GTF2A1: variants seen among roughly 807,000 people sequenced by gnomAD.
GTF2A1 encodes general transcription factor IIA subunit 1.
GTF2A1 carries 12 observed loss-of-function variants against 54.1 expected under a neutral mutation model. That is an observed-to-expected ratio of 0.22 (90% CI 0.14 to 0.36). The LOEUF is 0.36. GTF2A1 is among the 10% of genes least tolerant of loss of function. The pLI is 1.00. For missense variants in GTF2A1, 335 were observed against 442.2 expected (o/e 0.76, Z 2.17); for synonymous variants, 145 against 152.0 (o/e 0.95, Z 0.34).
At chr14:81,183,420 C>A (rs1420781034) in intron 8 of GTF2A1, among the ~76,000 whole-genome samples, 3 of 152,230 alleles carry the variant, frequency 2.0e-5, no homozygotes, top group East Asian at 3.8e-4. Context: ...AAACTGCCTG[C>A]ATTCTGTCAT....
At chr14:81,207,442 T>C (rs1200496355) in intron 2 of GTF2A1, among the ~76,000 whole-genome samples, 1 of 152,214 alleles carries the variant, frequency 6.6e-6, no homozygotes, top group Non-Finnish European at 1.5e-5. Context: ...CATGTGGAAC[T>C]GTAAGTCCAA....
At chr14:81,180,789 A>G (rs1892623595) in intron 8 of GTF2A1, among the ~76,000 whole-genome samples, 1 of 152,152 alleles carries the variant, frequency 6.6e-6, no homozygotes, top group Admixed American at 6.6e-5. Flanking sequence ...TTATCTCTCT[A>G]CCAGGTTTGC....
Position 81,203,968 on chromosome 14 carries a change from G to C in GTF2A1, c.269C>G (p.Ala90Gly). The part of the protein sequence containing the change: ...QHHHHHHHQQ[A>G]QPQQTVPQQA... The stretch of plus-strand genomic sequence containing the variant: ...CTGAGGTACTGTCTGCTGAGGCTGA[G>C]CTTGCTGATGATGGTGATGGTGGTG... Residue 90 changes from alanine (A) to glycine (G), a missense_variant, in exon 3 of 9, where the codon GCT becomes GGT. Ala to Gly is a moderately conservative substitution (Grantham distance 60). Around this residue, in one of 2 missense-constraint regions of GTF2A1, gnomAD observed 306 missense variants for 360.4 expected, o/e 0.85. Transcript: ENST00000553612. The C allele has an allele frequency of 6.2e-7, 1 of 1,614,052 alleles. No individual in the cohort carries two copies.
intron 7 of GTF2A1, among the ~76,000 whole-genome samples, chr14:81,185,935 C>T (rs1892734551): frequency 6.6e-6 from 1 of 152,242 alleles, no homozygotes; most frequent in Non-Finnish European, 1.5e-5. Context: ...TCACTGCAAC[C>T]TCTGCCTCCC....
Position 81,196,022 on chromosome 14 carries a change from T to C in GTF2A1, c.612+86A>G, listed in dbSNP as rs78108257. The stretch of plus-strand genomic sequence containing the variant: ...TGTAGCACTGAAAAAGAGTCTTTTG[T>C]GCATATAAGGAGAGGGAAACTACCC... On this transcript the variant is annotated intron_variant, in intron 6 of 8. Transcript: ENST00000553612. The C allele has an allele frequency of 1.4e-5, 17 of 1,188,582 alleles. No individual in the cohort carries two copies. The African/African-American group carries it at 2.3e-4, about 16-fold the overall frequency. The allele number at this position is 1,188,582 out of a possible 1,614,324, so 73.6% of individuals were successfully genotyped here. A position where few individuals can be genotyped will look rare whatever the true frequency, so the allele number is the denominator to read the frequency against.
chr14:81,180,579 G>A (rs561126674), intron 8 of GTF2A1, among the ~76,000 whole-genome samples: 4 of 152,072 alleles, frequency 2.6e-5, no homozygotes, highest in South Asian at 2.1e-4. Flanking sequence ...GATTACAAGC[G>A]TGAGTCACAG....
intron 2 of GTF2A1, 106 bp downstream of exon 2, chr14:81,216,307 C>A: frequency 1.6e-6 from 1 of 615,740 alleles, no homozygotes; most frequent in East Asian, 2.9e-5. Context: ...GCACACTTCA[C>A]TCAACTATAC....
At chr14:81,208,114 A>G (rs543044992) in intron 2 of GTF2A1, among the ~76,000 whole-genome samples, 2 of 152,206 alleles carry the variant, frequency 1.3e-5, no homozygotes, top group Non-Finnish European at 2.9e-5. Context: ...TCTCCAGGCC[A>G]TATCAGAGAC....
chr14:81,209,445 GT>G, intron 2 of GTF2A1, among the ~76,000 whole-genome samples: 1 of 152,250 alleles, frequency 6.6e-6, no homozygotes. Context: ...TCAGCAGTAT[GT>G]ATACGTCTTT....
Position 81,220,753 on chromosome 14 carries a change from G to C in GTF2A1, c.-235C>G. ...GAATCGCCTTAAAAAAAAAAAAAAA[G>C]CCACGACCCTTCAGGGGTCCGGGGG... On this transcript the variant is annotated 5_prime_UTR_variant, in exon 1 of 9. Transcript: ENST00000553612. 1 of 338,452 alleles carries C rather than the reference G, an allele frequency of 3.0e-6. No homozygotes were observed. 21.0% of individuals were successfully genotyped at this position (338,452 alleles called of 1,614,324 possible).
chr14:81,217,605 G>A (rs1221482270), intron 1 of GTF2A1, among the ~76,000 whole-genome samples: 1 of 152,188 alleles, frequency 6.6e-6, no homozygotes, highest in Non-Finnish European at 1.5e-5. Context: ...TTCAAGACCA[G>A]CCTGGGTAAC....
In GTF2A1 at chr14:81,213,867, G is replaced by C. The variant is rs540218635; in HGVS notation, c.132+2546C>G. Among the ~76,000 whole-genome samples, 40 of 146,028 alleles carry C rather than the reference G, an allele frequency of 2.7e-4. No homozygotes were observed. In the South Asian group the frequency reaches 8.6e-3, roughly 31 times the overall value. Reference sequence around the variant, plus strand: ...TTCTGTTTTTTTTTTTTTTGAGACAGAGTCTTGATCTGTCACCCAGGCTGC... The same window carrying C: ...TTCTGTTTTTTTTTTTTTTGAGACACAGTCTTGATCTGTCACCCAGGCTGC... On this transcript the variant is annotated intron_variant, in intron 2 of 8. Transcript: ENST00000553612.
rs1187863779 is a variant in GTF2A1, at chr14:81,220,873, C to T, written c.-355G>A. 2.3e-5 allele frequency: 6 copies of T among 264,042 alleles called. No homozygotes were observed. Among genetic ancestry groups the T allele is most frequent in the East Asian group, 1.4e-4 (2 of 14,506 alleles). The allele number at this position is 264,042 out of a possible 1,614,324, so 16.4% of individuals were successfully genotyped here. A position where few individuals can be genotyped will look rare whatever the true frequency, so the allele number is the denominator to read the frequency against. On this transcript the variant is annotated 5_prime_UTR_variant, in exon 1 of 9. Coordinates refer to ENST00000553612, the MANE Select transcript of GTF2A1 (RefSeq NM_015859.4). ...TGCCGCCACCGGCTGCAGCTCCAGCCGTCCGGTCCGCCCGCTTCTCTCCTT... is the reference window on the plus strand; with the variant it reads ...TGCCGCCACCGGCTGCAGCTCCAGCTGTCCGGTCCGCCCGCTTCTCTCCTT...
At chr14:81,210,017 A>AC (rs374682700) in intron 2 of GTF2A1, 173,031 of 427,254 alleles carry the variant, frequency 0.4, 39,062 homozygotes, top group Middle Eastern at 0.49. Flanking sequence ...CATTTTCGGC[A>AC]GGACAATTCT....
chr14:81,183,659 G>A (rs1293006198), intron 8 of GTF2A1, among the ~76,000 whole-genome samples: 6 of 152,304 alleles, frequency 3.9e-5, no homozygotes, highest in African/African-American at 1.4e-4. Context: ...TTAAAAATGT[G>A]TTAAAGCAAG....
chr14:81,205,056 G>A (rs534935831), intron 2 of GTF2A1, among the ~76,000 whole-genome samples: 4 of 152,162 alleles, frequency 2.6e-5, no homozygotes, highest in African/African-American at 9.7e-5. Context: ...TTGACCTGAA[G>A]CTTCTATCAG....
chr14:81,181,568 A>G (rs1257838688), intron 8 of GTF2A1, among the ~76,000 whole-genome samples: 1 of 152,172 alleles, frequency 6.6e-6, no homozygotes, highest in African/African-American at 2.4e-5. Flanking sequence ...TCTTTGAGAC[A>G]GAGTCTCACT....
At chr14:81,190,151 T>G (rs1227444266) in intron 7 of GTF2A1, among the ~76,000 whole-genome samples, 1 of 151,864 alleles carries the variant, frequency 6.6e-6, no homozygotes, top group Non-Finnish European at 1.5e-5. Flanking sequence ...AAAATATAAC[T>G]TATCAAAACG....
intron 2 of GTF2A1, among the ~76,000 whole-genome samples, chr14:81,208,046 G>T (rs557473016): frequency 7.9e-5 from 12 of 152,320 alleles, no homozygotes; most frequent in Non-Finnish European, 1.8e-4. Flanking sequence ...GCTGGCTGGA[G>T]AAATTTGCAT....
Sources: gnomAD v4.1 joint callset for allele counts (sites outside exome capture counted in the v4.1 genomes callset) on GRCh38, gnomAD v4.1.1 for gene constraint, gnomAD v4.1.1 regional missense constraint, MANE v1.5 for transcripts, NCBI Gene and HGNC (gene_info 2026-07-23, HGNC 2026-07-21) for gene names.